STXBP5L: variants seen among roughly 807,000 people sequenced by gnomAD.
The protein encoded by STXBP5L is syntaxin binding protein 5L, also known as syntaxin-binding protein 5-like.
A neutral mutation model predicts 144.5 loss-of-function variants in STXBP5L; 65 were observed. The ratio of observed to expected loss-of-function variants is 0.45; its 90% CI spans 0.37 to 0.55. STXBP5L has a LOEUF of 0.55. Ranked by LOEUF, STXBP5L falls within the 20% of genes least tolerant of loss-of-function variation. The pLI is 0.00. For synonymous variants in STXBP5L, 505 were observed against 469.6 expected (o/e 1.08, Z -0.97); for missense variants, 1,298 against 1,405.5 (o/e 0.92, Z 1.22).
intron 5 of STXBP5L, among the ~76,000 whole-genome samples, chr3:121,094,979 A>G (rs2043037081): frequency 6.7e-6 from 1 of 150,184 alleles, no homozygotes; most frequent in Non-Finnish European, 1.5e-5. Context: ...TGGTGACAAA[A>G]TCTCTCAGCA....
chr3:121,415,779 T>C lies in STXBP5L; in HGVS notation c.3115-78T>C, dbSNP rs551781034. The C allele has an allele frequency of 1.3e-5, 12 of 935,776 alleles. No homozygotes were observed. The African/African-American group carries it at 1.8e-4, about 14-fold the overall frequency. The allele number at this position is 935,776 out of a possible 1,614,324, so 58.0% of individuals were successfully genotyped here. ...ACTGTTTTTTCATGATGTGTCCTAC[T>C]ATATCACAGTGTTACCTTTTTGTAT... On this transcript the variant is annotated intron_variant, in intron 24 of 26. Transcript: ENST00000471454.
intron 19 of STXBP5L, among the ~76,000 whole-genome samples, chr3:121,285,432 C>T (rs918058052): frequency 4.6e-5 from 7 of 151,842 alleles, no homozygotes; most frequent in African/African-American, 1.7e-4. Flanking sequence ...AAACCAAGTC[C>T]GTTATTTTAT....
intron 9 of STXBP5L, among the ~76,000 whole-genome samples, chr3:121,192,739 T>TA (rs1238239328): frequency 6.6e-6 from 1 of 152,204 alleles, no homozygotes; most frequent in Non-Finnish European, 1.5e-5. Context: ...CCCTGTTTAA[T>TA]AAATGGTGCT....
intron 9 of STXBP5L, among the ~76,000 whole-genome samples, chr3:121,177,166 A>G (rs1046469953): frequency 6.6e-6 from 1 of 152,086 alleles, no homozygotes; most frequent in African/African-American, 2.4e-5. Context: ...AAATATAACA[A>G]CGAACAAAAC....
chr3:121,021,119 A>ATT (rs139264460), intron 3 of STXBP5L, among the ~76,000 whole-genome samples: 2 of 151,988 alleles, frequency 1.3e-5, no homozygotes, highest in South Asian at 2.1e-4. Context: ...AGGAGTAGCT[A>ATT]TTTTTTAATA....
At chr3:121,090,809 G>C (rs1003387651) in intron 5 of STXBP5L, among the ~76,000 whole-genome samples, 1 of 151,644 alleles carries the variant, frequency 6.6e-6, no homozygotes, top group African/African-American at 2.4e-5. Context: ...TTAAGTTTTA[G>C]GGTACATGTG....
intron 3 of STXBP5L, among the ~76,000 whole-genome samples, chr3:120,976,522 G>A (rs1019132729): frequency 6.6e-6 from 1 of 152,048 alleles, no homozygotes; most frequent in Non-Finnish European, 1.5e-5. Context: ...TTTTTTGAAG[G>A]GTTTTTTATG....
chr3:121,054,732 A>T (rs910450082), intron 5 of STXBP5L, among the ~76,000 whole-genome samples: 1 of 152,112 alleles, frequency 6.6e-6, no homozygotes, highest in Admixed American at 6.6e-5. Context: ...TAAAACTTAA[A>T]GTATAATAAT....
chr3:121,157,930 A>C, intron 9 of STXBP5L: 1 of 249,750 alleles, frequency 4.0e-6, no homozygotes, highest in South Asian at 5.9e-5. Flanking sequence ...AAATTTTGTC[A>C]CTTTTAAGGG....
intron 5 of STXBP5L, among the ~76,000 whole-genome samples, chr3:121,093,221 G>A (rs1226940523): frequency 2.6e-5 from 4 of 152,188 alleles, no homozygotes; most frequent in East Asian, 3.9e-4. Context: ...AAGGACATTG[G>A]TCTAAAATTC....
intron 5 of STXBP5L, among the ~76,000 whole-genome samples, chr3:121,087,097 C>T (rs1029198765): frequency 1.3e-5 from 2 of 151,744 alleles, no homozygotes; most frequent in African/African-American, 2.4e-5. Flanking sequence ...GTTTTTCAAC[C>T]CCAGGATGTA....
chr3:120,958,366 C>G (rs1938299779), intron 3 of STXBP5L, among the ~76,000 whole-genome samples: 1 of 152,030 alleles, frequency 6.6e-6, no homozygotes, highest in African/African-American at 2.4e-5. Context: ...TGAAACTATT[C>G]CAATCAATAG....
intron 3 of STXBP5L, among the ~76,000 whole-genome samples, chr3:121,013,299 G>T (rs1450609638): frequency 1.3e-5 from 2 of 151,904 alleles, no homozygotes; most frequent in Non-Finnish European, 2.9e-5. Context: ...GAACTAATTT[G>T]CATTCTCACC....
chr3:121,394,207 T>G (rs1434992541), intron 22 of STXBP5L, among the ~76,000 whole-genome samples: 5 of 152,210 alleles, frequency 3.3e-5, no homozygotes, highest in Non-Finnish European at 7.3e-5. Flanking sequence ...TTTCTTCTTT[T>G]GGTTCTCAGC....
chr3:121,413,410 T>C, intron 24 of STXBP5L, 87 bp downstream of exon 24: 1 of 1,258,560 alleles, frequency 7.9e-7, no homozygotes, highest in South Asian at 1.9e-5. Context: ...TATTATTAGG[T>C]CAGACAATAA....
At chr3:121,051,026 A>G (rs1947938757) in intron 5 of STXBP5L, among the ~76,000 whole-genome samples, 1 of 152,236 alleles carries the variant, frequency 6.6e-6, no homozygotes, top group Non-Finnish European at 1.5e-5. Context: ...ATTCAACAAG[A>G]AGAGCTAACT....
At chr3:121,126,839 T>C (rs1278409245) in intron 7 of STXBP5L, among the ~76,000 whole-genome samples, 1 of 152,200 alleles carries the variant, frequency 6.6e-6, no homozygotes, top group Non-Finnish European at 1.5e-5. Context: ...TAATCTGATT[T>C]CTTGGCTTTT....
chr3:121,310,327 T>A (rs1284921406), intron 19 of STXBP5L, among the ~76,000 whole-genome samples: 1 of 152,240 alleles, frequency 6.6e-6, no homozygotes, highest in East Asian at 1.9e-4. Flanking sequence ...AGGCCAGGCA[T>A]GGGCTGGGCA....
rs147992142 is a variant in STXBP5L at position 121,370,630 on chromosome 3, T to C, written c.2177-8086T>C. ...TGTTGCTTCCATTCTCTCCATCAGTTTCAGAAATGCCAATGAGTCATAGAT... is the reference window on the plus strand; with the variant it reads ...TGTTGCTTCCATTCTCTCCATCAGTCTCAGAAATGCCAATGAGTCATAGAT... On this transcript the variant is annotated intron_variant, in intron 20 of 26. Coordinates refer to ENST00000471454, the MANE Select transcript of STXBP5L (RefSeq NM_001308330.2). Among the ~76,000 whole-genome samples the C allele has an allele frequency of 4.9e-4, 74 of 152,352 alleles. 1 individual carries two copies. Among genetic ancestry groups the C allele is most frequent in the African/African-American group, 1.8e-3 (73 of 41,586 alleles).
Sources: gnomAD v4.1 joint callset for allele counts (sites outside exome capture counted in the v4.1 genomes callset) on GRCh38, gnomAD v4.1.1 for gene constraint, MANE v1.5 for transcripts, NCBI Gene and HGNC (gene_info 2026-07-23, HGNC 2026-07-21) for gene names.